Variants in CSMD1 observed in about 807,000 individuals in gnomAD.
CSMD1 encodes the protein CUB and Sushi multiple domains 1.
CSMD1 carries 213 observed loss-of-function variants against 417.5 expected under a neutral mutation model. The ratio of observed to expected loss-of-function variants is 0.51; its 90% CI spans 0.46 to 0.57. The LOEUF (loss-of-function observed/expected upper bound fraction) is 0.57, where lower values mean the gene tolerates loss of function less well. Ranked by LOEUF, CSMD1 falls within the 20% of genes least tolerant of loss-of-function variation. CSMD1 has a pLI of 0.00. For missense variants in CSMD1, 6,923 were observed against 4,529.7 expected, an observed-to-expected ratio of 1.53 and a Z score of -15.17; for synonymous variants, 2,862 against 1,736.8, an observed-to-expected ratio of 1.65 and a Z score of -16.11.
At chr8:4,445,557 G>C (rs1211551671) in intron 2 of CSMD1, among the ~76,000 whole-genome samples, 2 of 152,086 alleles carry the variant, frequency 1.3e-5, no homozygotes, top group African/African-American at 4.8e-5. Flanking sequence ...GATAAAAATG[G>C]CTTCAATGAA....
chr8:4,174,439 C>G (rs1193002279), intron 3 of CSMD1, among the ~76,000 whole-genome samples: 1 of 151,792 alleles, frequency 6.6e-6, no homozygotes, highest in Non-Finnish European at 1.5e-5. Context: ...AATCTCCTGA[C>G]AATGGTTTTT....
chr8:3,394,355 C>T (rs534421536), intron 17 of CSMD1, among the ~76,000 whole-genome samples: 1 of 150,538 alleles, frequency 6.6e-6, no homozygotes, highest in East Asian at 2.0e-4. Context: ...GACTTTTTAT[C>T]ATTTCCTGAT....
chr8:4,038,874 G>C (rs550460122), intron 3 of CSMD1, among the ~76,000 whole-genome samples: 2 of 152,194 alleles, frequency 1.3e-5, no homozygotes, highest in South Asian at 4.2e-4. Context: ...TGAAACATAG[G>C]CTGCCATTCT....
intron 3 of CSMD1, among the ~76,000 whole-genome samples, chr8:4,066,167 A>C (rs1563077271): frequency 6.6e-6 from 1 of 152,190 alleles, no homozygotes; most frequent in South Asian, 2.1e-4. Context: ...CATTATTTCT[A>C]AAGATTCACA....
chr8:3,442,347 T>C (rs980673384), intron 12 of CSMD1, among the ~76,000 whole-genome samples: 9 of 152,292 alleles, frequency 5.9e-5, no homozygotes, highest in Admixed American at 5.9e-4. Context: ...AGGCCTTCAA[T>C]TTCAGCCATC....
chr8:4,762,603 C>T (rs1292482638), intron 1 of CSMD1, among the ~76,000 whole-genome samples: 2 of 152,068 alleles, frequency 1.3e-5, no homozygotes, highest in African/African-American at 4.8e-5. Context: ...TCCCTCTGAG[C>T]CTGAGTGATG....
rs35735246 is a variant in CSMD1 at position 4,668,415 on chromosome 8, CATTATTATTATT to C, written c.86-30869_86-30858del. On this transcript the variant is annotated intron_variant, in intron 1 of 69. Transcript: ENST00000635120. The stretch of plus-strand genomic sequence containing the variant: ...ACTCTAACTTGCTTTTGATGTTTTC[CATTATTATTATT>C]ATTATTATTATTATTATTATTATTA... Among the ~76,000 whole-genome samples the C allele has an allele frequency of 9.2e-3, 1,192 of 129,990 alleles. 13 individuals are homozygous for C. The highest frequency in any genetic ancestry group is 0.014 in the African/African-American group (491 of 34,730). 85.3% of individuals were successfully genotyped at this position (129,990 alleles called of 152,430 possible).
At chr8:3,290,623 G>A in intron 25 of CSMD1, among the ~76,000 whole-genome samples, 1 of 147,074 alleles carries the variant, frequency 6.8e-6, no homozygotes, top group Non-Finnish European at 1.5e-5. Flanking sequence ...TTGGCTCTCT[G>A]TTTGTCTGTT....
At chr8:4,637,804 G>A (rs1291241614) in intron 1 of CSMD1, among the ~76,000 whole-genome samples, 2 of 151,634 alleles carry the variant, frequency 1.3e-5, no homozygotes, top group African/African-American at 2.4e-5. Context: ...CCGAGTAGGT[G>A]GGACTACAGG....
chr8:4,840,960 T>C (rs1293878776), intron 1 of CSMD1, among the ~76,000 whole-genome samples: 1 of 152,214 alleles, frequency 6.6e-6, no homozygotes, highest in Non-Finnish European at 1.5e-5. Context: ...AAAAAACAAG[T>C]GCACTGGGCT....
rs140456134 is a variant in CSMD1, at chr8:3,650,625, G to A, written c.1010-33828C>T. Among the ~76,000 whole-genome samples the A allele has an allele frequency of 1.3e-3, 191 of 152,192 alleles. 1 individual carries two copies. The highest frequency in any genetic ancestry group is 2.2e-3 in the Non-Finnish European group (148 of 68,000). On this transcript the variant is annotated intron_variant, in intron 7 of 69. Coordinates refer to ENST00000635120, the MANE Select transcript of CSMD1 (RefSeq NM_033225.6). ...CTTGCCATGAATGTACTGAGCTCCC[G>A]GCTGTGGATATTTAAGAGAACACTA...
chr8:3,834,599 T>C (rs1467717771), intron 5 of CSMD1, among the ~76,000 whole-genome samples: 2 of 152,148 alleles, frequency 1.3e-5, no homozygotes, highest in Admixed American at 6.6e-5. Flanking sequence ...ATGTAACAAA[T>C]GTGAAGGTAA....
intron 2 of CSMD1, among the ~76,000 whole-genome samples, chr8:4,524,217 A>C (rs911125221): frequency 2.0e-5 from 3 of 152,046 alleles, no homozygotes; most frequent in Non-Finnish European, 4.4e-5. Context: ...TTTATATATT[A>C]AACATTGAAG....
intron 5 of CSMD1, among the ~76,000 whole-genome samples, chr8:3,799,253 AT>A (rs566306469): frequency 2.4e-4 from 36 of 149,982 alleles, no homozygotes; most frequent in African/African-American, 7.4e-4. Flanking sequence ...TGATCACAGC[AT>A]TTTTTTTTAT....
At chr8:4,043,537 G>C (rs749409505) in intron 3 of CSMD1, among the ~76,000 whole-genome samples, 4 of 152,140 alleles carry the variant, frequency 2.6e-5, no homozygotes, top group Non-Finnish European at 5.9e-5. Context: ...AAAATAATGA[G>C]AAAAGACAAA....
chr8:4,654,638 G>A (rs543582568), intron 1 of CSMD1, among the ~76,000 whole-genome samples: 6 of 152,124 alleles, frequency 3.9e-5, no homozygotes, highest in African/African-American at 1.2e-4. Context: ...AATGGTTGAA[G>A]TCAGCTTAGA....
At chr8:3,289,978 T>C (rs1399730579) in intron 25 of CSMD1, among the ~76,000 whole-genome samples, 1 of 147,670 alleles carries the variant, frequency 6.8e-6, no homozygotes, top group East Asian at 2.0e-4. Flanking sequence ...TTTAAGTCTT[T>C]AATCCATCTT....
At chr8:3,567,649 T>C (rs1237319158) in intron 10 of CSMD1, among the ~76,000 whole-genome samples, 1 of 152,002 alleles carries the variant, frequency 6.6e-6, no homozygotes. Flanking sequence ...TTCCCAGCCT[T>C]GTTTACCGAC....
At chr8:3,247,778 C>A (rs1000112222) in intron 26 of CSMD1, among the ~76,000 whole-genome samples, 3 of 152,146 alleles carry the variant, frequency 2.0e-5, no homozygotes, top group Admixed American at 1.3e-4. Context: ...CAACAAAAAA[C>A]CAAATTACAC....
Sources: allele counts gnomAD v4.1 joint callset (sites outside exome capture counted in the v4.1 genomes callset), GRCh38; gene constraint gnomAD v4.1.1; transcripts MANE v1.5; gene names NCBI Gene and HGNC (gene_info 2026-07-23, HGNC 2026-07-21).